The following CCNT1 variants were observed in gnomAD, a reference collection of about 807,000 sequenced individuals.
The protein encoded by CCNT1 is cyclin-T1.
Under a neutral mutation model 67.3 loss-of-function variants are expected in CCNT1, and 18 were observed. The ratio of observed to expected loss-of-function variants is 0.27; its 90% confidence interval spans 0.18 to 0.40. The LOEUF is 0.40. Among genes scored for constraint, CCNT1 ranks in the 10% least tolerant of loss-of-function variants. The pLI is 1.00. For synonymous variants in CCNT1, 333 were observed against 310.3 expected (o/e 1.07, Z -0.77); for missense variants, 744 against 884.9 (o/e 0.84, Z 2.02).
At chr12:48,703,064 G>C (rs1940297104) in intron 3 of CCNT1, among the ~76,000 whole-genome samples, 1 of 151,628 alleles carries the variant, frequency 6.6e-6, no homozygotes, top group Non-Finnish European at 1.5e-5. Flanking sequence ...TCTAATGCCT[G>C]ATGATCTGTC....
rs527402380 is a variant in CCNT1 at position 48,689,265 on chromosome 12, C to T, written c.*3768G>A. On this transcript the variant is annotated 3_prime_UTR_variant, in exon 9 of 9. Transcript: ENST00000261900. ...AAGTTCATATGAAAAACTTTAGAAA[C>T]ATTAAAATGGAGAACTCTCTCACCC... 2 of 152,266 alleles carry T rather than the reference C, an allele frequency of 1.3e-5. No homozygotes were observed. Among genetic ancestry groups the T allele is most frequent in the Admixed American group, 6.5e-5 (1 of 15,302 alleles). The allele number at this position is 152,266 out of a possible 1,614,324, so 9.4% of individuals were successfully genotyped here.
chr12:48,710,658 C>G (rs1448733621), intron 2 of CCNT1, among the ~76,000 whole-genome samples: 1 of 152,120 alleles, frequency 6.6e-6, no homozygotes, highest in African/African-American at 2.4e-5. Context: ...AAGAATATCT[C>G]TATATTGGAT....
Position 48,691,070 on chromosome 12 carries a change from G to A in CCNT1, c.*1963C>T, listed in dbSNP as rs1267687897. 6.6e-6 allele frequency: 1 copy of A among 152,160 alleles called. No homozygotes were observed. Among genetic ancestry groups the A allele is most frequent in the African/African-American group, 2.4e-5 (1 of 41,436 alleles). The allele number at this position is 152,160 out of a possible 1,614,324, so 9.4% of individuals were successfully genotyped here. The stretch of plus-strand genomic sequence containing the variant: ...GAAAATGTCATCTATAAAGTGAAGT[G>A]ACACTCTAAGTCAAGAAGTATTAAT... On this transcript the variant is annotated 3_prime_UTR_variant, in exon 9 of 9. Transcript: ENST00000261900.
chr12:48,697,853 AAAATAT>A (rs1377561347), intron 6 of CCNT1: 96 of 122,076 alleles, frequency 7.9e-4, no homozygotes, highest in African/African-American at 1.5e-3. Context: ...AAAAAAAAAA[AAAATAT>A]ATATATATAT....
chr12:48,699,659 A>T, intron 5 of CCNT1, 119 bp downstream of exon 5: 1 of 595,542 alleles, frequency 1.7e-6, no homozygotes, highest in Non-Finnish European at 3.0e-6. Flanking sequence ...ATTTTGATTT[A>T]AGCCAAGTAG....
At chr12:48,705,961 T>A in intron 2 of CCNT1, 65 bp from the exon 3 acceptor site, 1 of 1,461,610 alleles carries the variant, frequency 6.8e-7, no homozygotes, top group Non-Finnish European at 9.3e-7. Context: ...AAGGTAGATC[T>A]AAAGAGGAGC....
chr12:48,696,193 T>C (rs1286528214), intron 6 of CCNT1, 31 bp from the exon 7 acceptor site: 2 of 1,409,854 alleles, frequency 1.4e-6, no homozygotes, highest in Non-Finnish European at 1.9e-6. Context: ...ACAGAGAGTG[T>C]CATGAGCTCT....
chr12:48,716,040 G>T (rs545837936), intron 1 of CCNT1, among the ~76,000 whole-genome samples: 5 of 152,336 alleles, frequency 3.3e-5, no homozygotes, highest in Admixed American at 2.6e-4. Context: ...AGTAGATGAG[G>T]AATGGATTTT....
At chr12:48,700,319 A>C (rs2137230920) in intron 4 of CCNT1, among the ~76,000 whole-genome samples, 1 of 78,866 alleles carries the variant, frequency 1.3e-5, no homozygotes, top group South Asian at 3.3e-4. Context: ...ACTCCGTCTC[A>C]AAAAAAAAAA....
chr12:48,716,232 C>T (rs1479002356), intron 1 of CCNT1, among the ~76,000 whole-genome samples: 2 of 152,248 alleles, frequency 1.3e-5, no homozygotes, highest in Non-Finnish European at 2.9e-5. Flanking sequence ...GATCAGAACA[C>T]AATGAAGACA....
At chr12:48,695,651 T>C (rs1285939312) in intron 8 of CCNT1, 108 bp downstream of exon 8, 3 of 708,836 alleles carry the variant, frequency 4.2e-6, no homozygotes, top group Non-Finnish European at 4.9e-6. Flanking sequence ...TGTGTAACTA[T>C]AAAAAGGGCA....
chr12:48,714,270 A>G (rs573829989), intron 2 of CCNT1, among the ~76,000 whole-genome samples, 173 bp downstream of exon 2: 64 of 152,286 alleles, frequency 4.2e-4, no homozygotes, highest in Non-Finnish European at 7.5e-4. Flanking sequence ...TAGACACTTA[A>G]CAGGAAAACT....
At chr12:48,697,102 T>G (rs1046454188) in intron 6 of CCNT1, among the ~76,000 whole-genome samples, 2 of 152,034 alleles carry the variant, frequency 1.3e-5, no homozygotes, top group Non-Finnish European at 2.9e-5. Flanking sequence ...GGATTACAGG[T>G]ATGAGCCACT....
chr12:48,701,633 G>T (rs1367929813), intron 3 of CCNT1, among the ~76,000 whole-genome samples: 4 of 150,806 alleles, frequency 2.7e-5, no homozygotes, highest in Non-Finnish European at 4.4e-5. Flanking sequence ...TTGAGTTGGA[G>T]TTTCGCTCTT....
rs1453711582 is a variant in CCNT1 at position 48,692,890 on chromosome 12, CCCT to C, written c.*140_*142del. The C allele has an allele frequency of 6.5e-6, 4 of 618,512 alleles. No individual in the cohort carries two copies. The highest frequency in any genetic ancestry group is 1.1e-5 in the Non-Finnish European group (4 of 358,158). 38.3% of individuals were successfully genotyped at this position (618,512 alleles called of 1,614,324 possible). On this transcript the variant is annotated 3_prime_UTR_variant, in exon 9 of 9. Transcript: ENST00000261900. ...GATATATAGCCAAGGCCTTCTACCACCCTCCTAACTATGTCTCAATATCAATTT... is the reference window on the plus strand; with the variant it reads ...GATATATAGCCAAGGCCTTCTACCACCCTAACTATGTCTCAATATCAATTT...
chr12:48,697,295 G>A (rs908060073), intron 6 of CCNT1, among the ~76,000 whole-genome samples: 13 of 151,032 alleles, frequency 8.6e-5, no homozygotes, highest in African/African-American at 2.4e-4. Context: ...CAAGGCAGGC[G>A]GATCACTTGA....
intron 2 of CCNT1, among the ~76,000 whole-genome samples, chr12:48,713,325 C>T (rs1940485696): frequency 6.6e-6 from 1 of 151,872 alleles, no homozygotes; most frequent in African/African-American, 2.4e-5. Context: ...AAGAATGAGC[C>T]ACCATGCATA....
chr12:48,701,953 G>A (rs911088590), intron 3 of CCNT1, among the ~76,000 whole-genome samples: 12 of 148,842 alleles, frequency 8.1e-5, no homozygotes, highest in African/African-American at 3.0e-4. Flanking sequence ...CTGGAGTGCA[G>A]TGGCGCGACC....
chr12:48,694,255 G>A lies in CCNT1; in HGVS notation c.959C>T (p.Ser320Phe). ...VPSLPVSEES[S>F]SNLTSVEMLP... ...CATCTCCACACTGGTTAAGTTGCTGGATGACTCTTCGGAGACTGGCAGGGA... is the reference window on the plus strand; with the variant it reads ...CATCTCCACACTGGTTAAGTTGCTGAATGACTCTTCGGAGACTGGCAGGGA... The change falls in exon 9 of 9, where the codon TCC (serine) becomes TTC (phenylalanine). Residue 320 changes from serine (S) to phenylalanine (F), a missense_variant. Physicochemically the swap from Ser to Phe is radical, Grantham distance 155. Transcript: ENST00000261900. The A allele has an allele frequency of 6.2e-7, 1 of 1,614,218 alleles. No homozygotes were observed. The highest frequency in any genetic ancestry group is 8.5e-7 in the Non-Finnish European group (1 of 1,180,036).
Sources: gnomAD v4.1 joint callset for allele counts (sites outside exome capture counted in the v4.1 genomes callset) on GRCh38, gnomAD v4.1.1 for gene constraint, MANE v1.5 for transcripts, NCBI Gene and HGNC (gene_info 2026-07-23, HGNC 2026-07-21) for gene names.